Variants in DLEU7 observed in about 807,000 individuals in gnomAD.
DLEU7 encodes the protein leukemia-associated protein 7.
In DLEU7, 17 loss-of-function variants were observed where a neutral mutation model predicts 16.0. That is an observed-to-expected ratio of 1.06 (90% CI 0.73 to 1.59). DLEU7 has a LOEUF of 1.59. DLEU7 is among the 40% of genes most tolerant of loss of function. The pLI, the probability that DLEU7 is intolerant of heterozygous loss-of-function variation, is 0.00. For synonymous variants in DLEU7, 113 were observed against 139.8 expected (o/e 0.81, Z 1.35); for missense variants, 308 against 314.9 (o/e 0.98, Z 0.17).
intron 1 of DLEU7, among the ~76,000 whole-genome samples, chr13:50,780,390 G>T (rs1322055168): frequency 5.3e-5 from 8 of 152,206 alleles, no homozygotes; most frequent in Admixed American, 5.2e-4. Context: ...AATGTGAAGG[G>T]TCATTTTGTT....
intron 1 of DLEU7, among the ~76,000 whole-genome samples, chr13:50,740,731 G>A (rs1030867193): frequency 6.6e-6 from 1 of 152,132 alleles, no homozygotes; most frequent in African/African-American, 2.4e-5. Context: ...AACTTTCACA[G>A]ATGCAAACAA....
chr13:50,800,513 G>A (rs779657167), intron 1 of DLEU7, among the ~76,000 whole-genome samples: 5 of 151,962 alleles, frequency 3.3e-5, no homozygotes, highest in Non-Finnish European at 7.4e-5. Context: ...ATACCCCCTG[G>A]CATTAAACAA....
Position 50,823,008 on chromosome 13 carries a change from A to G in DLEU7, c.*306T>C. 1 of 921,228 alleles carries G rather than the reference A, an allele frequency of 1.1e-6. No homozygotes were observed. The highest frequency in any genetic ancestry group is 1.3e-6 in the Non-Finnish European group (1 of 754,082). 57.1% of individuals were successfully genotyped at this position (921,228 alleles called of 1,614,324 possible). ...ATTAAGGTATCATTCAATAAAAACTAATAATATGAATAAATATATACATAC... is the reference window on the plus strand; with the variant it reads ...ATTAAGGTATCATTCAATAAAAACTGATAATATGAATAAATATATACATAC... On this transcript the variant is annotated 3_prime_UTR_variant, in exon 2 of 2. Transcript: ENST00000504404.
At chr13:50,763,468 A>T (rs1288478714) in intron 1 of DLEU7, among the ~76,000 whole-genome samples, 1 of 152,200 alleles carries the variant, frequency 6.6e-6, no homozygotes, top group Non-Finnish European at 1.5e-5. Context: ...GAAGAAAATG[A>T]ACCATGCTTT....
At chr13:50,751,427 G>A (rs991756865) in intron 1 of DLEU7, among the ~76,000 whole-genome samples, 8 of 152,114 alleles carry the variant, frequency 5.3e-5, no homozygotes, top group African/African-American at 9.7e-5. Flanking sequence ...TTTGGTATTA[G>A]GGTGATGCTG....
chr13:50,804,418 G>A (rs1876333360), intron 1 of DLEU7, among the ~76,000 whole-genome samples: 1 of 150,758 alleles, frequency 6.6e-6, no homozygotes, highest in Non-Finnish European at 1.5e-5. Context: ...CGTTTTATGG[G>A]GTTTTTTTTT....
rs564437486 is a variant in DLEU7 at position 50,745,069 on chromosome 13, G to T, written c.460-31829C>A. On this transcript the variant is annotated intron_variant, in intron 1 of 1. Transcript: ENST00000400393. ...TGACCCAGTAATTTCACTCCTAGGT[G>T]TATACCCAACAGAATTGAAAGCAGC... Among the ~76,000 whole-genome samples the T allele has an allele frequency of 3.9e-5, 6 of 152,274 alleles. No individual in the cohort carries two copies. The East Asian group carries it at 1.2e-3, about 29-fold the overall frequency.
chr13:50,829,170 C>A (rs1041027831), intron 1 of DLEU7, among the ~76,000 whole-genome samples: 15 of 151,980 alleles, frequency 9.9e-5, no homozygotes, highest in African/African-American at 3.1e-4. Context: ...CCAGGGAAGC[C>A]AAAAAATTGG....
At chr13:50,772,296 A>C (rs1426687096) in intron 1 of DLEU7, among the ~76,000 whole-genome samples, 1 of 152,112 alleles carries the variant, frequency 6.6e-6, no homozygotes, top group Non-Finnish European at 1.5e-5. Flanking sequence ...GTGTGAATTC[A>C]ATCCTGTCTT....
chr13:50,789,606 G>A (rs1269221324), intron 1 of DLEU7, among the ~76,000 whole-genome samples: 1 of 151,878 alleles, frequency 6.6e-6, no homozygotes, highest in East Asian at 1.9e-4. Flanking sequence ...TATATGGCCT[G>A]TTAGTGCTTA....
chr13:50,771,242 A>AT (rs138318331), intron 1 of DLEU7, among the ~76,000 whole-genome samples: 1 of 151,790 alleles, frequency 6.6e-6, no homozygotes, highest in African/African-American at 2.4e-5. Flanking sequence ...TTTTTGAAGG[A>AT]TTTTTTTGTG....
At chr13:50,732,575 C>T (rs1194069782) in intron 1 of DLEU7, among the ~76,000 whole-genome samples, 1 of 133,142 alleles carries the variant, frequency 7.5e-6, no homozygotes, top group Non-Finnish European at 1.5e-5. Context: ...CCACTGCACT[C>T]CAGCCCAGGC....
intron 1 of DLEU7, among the ~76,000 whole-genome samples, chr13:50,766,207 G>A (rs1302825401): frequency 1.3e-5 from 2 of 152,148 alleles, no homozygotes; most frequent in African/African-American, 4.8e-5. Context: ...AGGGCTCACT[G>A]AGCATTGGAT....
chr13:50,760,228 G>A (rs1874888418), intron 1 of DLEU7, among the ~76,000 whole-genome samples: 1 of 152,310 alleles, frequency 6.6e-6, no homozygotes, highest in African/African-American at 2.4e-5. Context: ...AGCAATCACA[G>A]TTAAGGATCC....
chr13:50,787,451 G>A (rs983534266), intron 1 of DLEU7, among the ~76,000 whole-genome samples: 6 of 152,148 alleles, frequency 3.9e-5, no homozygotes, highest in Admixed American at 2.6e-4. Context: ...ACCAGCATGT[G>A]TTGGGGGCAG....
intron 1 of DLEU7, among the ~76,000 whole-genome samples, chr13:50,826,849 A>G (rs182628257): frequency 1.3e-5 from 2 of 152,344 alleles, no homozygotes; most frequent in Admixed American, 1.3e-4. Flanking sequence ...AACAATAGAG[A>G]AGACAATGGA....
At chr13:50,811,714 G>A (rs1876573045) in intron 1 of DLEU7, among the ~76,000 whole-genome samples, 1 of 152,130 alleles carries the variant, frequency 6.6e-6, no homozygotes, top group Admixed American at 6.6e-5. Flanking sequence ...TAGCTTTAGG[G>A]CCTTACAGAG....
At chr13:50,746,517 C>T (rs181264844) in intron 1 of DLEU7, among the ~76,000 whole-genome samples, 11 of 152,226 alleles carry the variant, frequency 7.2e-5, no homozygotes. Flanking sequence ...TAAATTGAAT[C>T]AATAAAATAA....
chr13:50,713,126 C>T, exon 2 of DLEU7: 2 of 1,468,554 alleles, frequency 1.4e-6, no homozygotes, highest in East Asian at 2.5e-5. Context: ...GGTTTAACAT[C>T]CCATCTCATC....
Sources: allele counts gnomAD v4.1 joint callset (sites outside exome capture counted in the v4.1 genomes callset), GRCh38; gene constraint gnomAD v4.1.1; transcripts MANE v1.5; gene names NCBI Gene and HGNC (gene_info 2026-07-23, HGNC 2026-07-21).